Variants in ASXL3 observed in about 807,000 individuals in gnomAD.
ASXL3 encodes ASXL transcriptional regulator 3.
Under a neutral mutation model 170.6 loss-of-function variants are expected in ASXL3, and 34 were observed. The ratio of observed to expected loss-of-function variants is 0.20; its 90% CI spans 0.15 to 0.27. The LOEUF (loss-of-function observed/expected upper bound fraction) is 0.27, where lower values mean the gene tolerates loss of function less well. Among genes scored for constraint, ASXL3 ranks in the 10% least tolerant of loss-of-function variants. ASXL3 has a pLI of 1.00. For missense variants in ASXL3, 2,592 were observed against 2,695.3 expected, an observed-to-expected ratio of 0.96 and a Z score of 0.85; for synonymous variants, 1,002 against 989.1, an observed-to-expected ratio of 1.01 and a Z score of -0.24.
At chr18:33,588,930 T>G (rs565057956) in intron 1 of ASXL3, among the ~76,000 whole-genome samples, 1 of 152,216 alleles carries the variant, frequency 6.6e-6, no homozygotes, top group African/African-American at 2.4e-5. Flanking sequence ...TACATTCTTA[T>G]ATTTTTTTCT....
At chr18:33,581,682 C>G (rs887539357) in intron 1 of ASXL3, among the ~76,000 whole-genome samples, 8 of 152,086 alleles carry the variant, frequency 5.3e-5, no homozygotes, top group African/African-American at 1.9e-4. Context: ...TATTTTCTTT[C>G]TTTGTGAGAA....
intron 7 of ASXL3, among the ~76,000 whole-genome samples, chr18:33,678,554 A>T (rs1330593685): frequency 6.6e-6 from 1 of 152,196 alleles, no homozygotes; most frequent in Non-Finnish European, 1.5e-5. Flanking sequence ...AATGGAACAC[A>T]TTCCCCATGA....
rs1419981534 is a variant in ASXL3, at chr18:33,748,360, T to G, written c.*1765T>G. ...ATGTTGCCAAATTTCTTTCTTTAGG[T>G]GATAGAGACATCATTTCGAATAACA... On this transcript the variant is annotated 3_prime_UTR_variant, in exon 12 of 12. Coordinates refer to ENST00000269197, the MANE Select transcript of ASXL3 (RefSeq NM_030632.3). 1 of 152,176 alleles carries G rather than the reference T, an allele frequency of 6.6e-6. No homozygotes were observed. Among genetic ancestry groups the G allele is most frequent in the Non-Finnish European group, 1.5e-5 (1 of 68,038 alleles). The allele number at this position is 152,176 out of a possible 1,614,324, so 9.4% of individuals were successfully genotyped here.
chr18:33,700,539 G>T (rs1041094448), intron 8 of ASXL3, among the ~76,000 whole-genome samples: 1 of 151,992 alleles, frequency 6.6e-6, no homozygotes, highest in African/African-American at 2.4e-5. Flanking sequence ...TAAGAAGCTT[G>T]AGCAGAAGAG....
In ASXL3 at chr18:33,739,572, C is replaced by G. The variant is rs763259452; in HGVS notation, c.2168C>G (p.Pro723Arg). The G allele has an allele frequency of 3.7e-6, 6 of 1,614,002 alleles. No individual in the cohort carries two copies. The East Asian group carries it at 1.1e-4, about 30-fold the overall frequency. Residue 723 changes from proline to arginine, a missense_variant, in exon 11 of 12, where the codon CCT becomes CGT. Physicochemically the swap from Pro to Arg is moderately radical, Grantham distance 103 (BLOSUM62 -2). This residue lies in a region of ASXL3 where 2,246 missense variants were observed against 2,219.6 expected (regional missense o/e 1.01). Coordinates refer to ENST00000269197, the MANE Select transcript of ASXL3 (RefSeq NM_030632.3). ...TSETSPMSDLPLTSETSSVSS... is the reference protein window; with the variant it reads ...TSETSPMSDLRLTSETSSVSS... ...GAAACCTCACCGATGTCTGACTTAC[C>G]TTTAACATCAGAAACTTCTTCAGTG...
chr18:33,735,011 AAC>A (rs1336554884), intron 10 of ASXL3, among the ~76,000 whole-genome samples: 1 of 152,144 alleles, frequency 6.6e-6, no homozygotes, highest in Non-Finnish European at 1.5e-5. Context: ...CCTCAGGTTT[AAC>A]AGAGACACAT....
intron 8 of ASXL3, among the ~76,000 whole-genome samples, chr18:33,707,555 C>T (rs894711187): frequency 5.3e-5 from 8 of 151,796 alleles, no homozygotes; most frequent in Non-Finnish European, 1.0e-4. Flanking sequence ...TGCTAATTCA[C>T]GTATTAATTT....
Position 33,645,022 on chromosome 18 carries a change from A to T in ASXL3, c.246+20A>T, listed in dbSNP as rs1276718448. 5 of 1,447,928 alleles carry T rather than the reference A, an allele frequency of 3.5e-6. No individual in the cohort carries two copies. Among genetic ancestry groups the T allele is most frequent in the Non-Finnish European group, 4.7e-6 (5 of 1,061,362 alleles). The allele number at this position is 1,447,928 out of a possible 1,614,324, so 89.7% of individuals were successfully genotyped here. On this transcript the variant is annotated intron_variant, in intron 3 of 11. Coordinates refer to ENST00000269197, the MANE Select transcript of ASXL3 (RefSeq NM_030632.3). ...CTCAAAGTAAGTTGCATTGTTCTGC[A>T]TATTGTTATTACTATTATCATGCAT... is the stretch of plus-strand genomic sequence containing the variant.
intron 2 of ASXL3, among the ~76,000 whole-genome samples, chr18:33,630,796 C>G (rs1244338468): frequency 6.6e-6 from 1 of 151,884 alleles, no homozygotes; most frequent in African/African-American, 2.4e-5. Context: ...CTTTCTGAAC[C>G]ATAGAAAACA....
intron 2 of ASXL3, among the ~76,000 whole-genome samples, chr18:33,615,850 T>G (rs1343895160): frequency 6.6e-6 from 1 of 152,164 alleles, no homozygotes; most frequent in Non-Finnish European, 1.5e-5. Context: ...CATTACACCT[T>G]ACATTTAGAT....
chr18:33,662,947 T>G (rs1981360), intron 5 of ASXL3, among the ~76,000 whole-genome samples: 6 of 151,950 alleles, frequency 3.9e-5, no homozygotes, highest in Non-Finnish European at 5.9e-5. Context: ...GGAAAGAAAC[T>G]TAACATGGTT....
chr18:33,602,918 TCGTTTAC>T (rs2065200017), intron 1 of ASXL3, among the ~76,000 whole-genome samples: 1 of 151,280 alleles, frequency 6.6e-6, no homozygotes, highest in African/African-American at 2.4e-5. Flanking sequence ...AACCCCAAAA[TCGTTTAC>T]CTTGGACATG....
At chr18:33,655,579 C>T (rs2066070831) in intron 4 of ASXL3, among the ~76,000 whole-genome samples, 1 of 151,996 alleles carries the variant, frequency 6.6e-6, no homozygotes, top group Non-Finnish European at 1.5e-5. Context: ...CTATACCTAT[C>T]TTGAAACAGA....
chr18:33,746,074 T>C lies in ASXL3; in HGVS notation c.6226T>C (p.Cys2076Arg). ...RLSWPQSTGI[C>R]SNIKSEPLSF... The stretch of plus-strand genomic sequence containing the variant: ...TAGTTGGCCACAGTCCACGGGCATA[T>C]GTAGCAATATAAAATCGGAACCTCT... Residue 2076 changes from cysteine (C) to arginine (R), a missense_variant, in exon 12 of 12, where the codon TGT becomes CGT. Transcript: ENST00000269197. 1 of 1,613,366 alleles carries C rather than the reference T, an allele frequency of 6.2e-7. No homozygotes were observed. The highest frequency in any genetic ancestry group is 8.5e-7 in the Non-Finnish European group (1 of 1,179,860).
chr18:33,664,432 C>G (rs1355231275), intron 5 of ASXL3, among the ~76,000 whole-genome samples: 2 of 152,118 alleles, frequency 1.3e-5, no homozygotes, highest in African/African-American at 4.8e-5. Context: ...TGAACACAGG[C>G]TGCTTATGTT....
intron 2 of ASXL3, among the ~76,000 whole-genome samples, chr18:33,641,361 A>T (rs1458540110): frequency 6.6e-6 from 1 of 151,998 alleles, no homozygotes; most frequent in African/African-American, 2.4e-5. Context: ...GGGAAATGAA[A>T]ACAAACCAGA....
At chr18:33,607,483 G>A in intron 1 of ASXL3, 111 bp from the exon 2 acceptor site, 1 of 883,298 alleles carries the variant, frequency 1.1e-6, no homozygotes, top group Non-Finnish European at 1.8e-6. Flanking sequence ...TGCTTTTGAT[G>A]TAAAAGCCCC....
At chr18:33,734,002 C>T (rs2067499085) in intron 9 of ASXL3, among the ~76,000 whole-genome samples, 1 of 140,412 alleles carries the variant, frequency 7.1e-6, no homozygotes, top group South Asian at 2.1e-4. Flanking sequence ...TGAATATACG[C>T]TCTTTTATTT....
intron 8 of ASXL3, among the ~76,000 whole-genome samples, chr18:33,728,716 A>T (rs1047869732): frequency 3.9e-5 from 6 of 152,152 alleles, no homozygotes; most frequent in Non-Finnish European, 2.9e-5. Context: ...TCACCCAGTC[A>T]TAAATATATC....
Sources: allele counts gnomAD v4.1 joint callset (sites outside exome capture counted in the v4.1 genomes callset), GRCh38; gene constraint gnomAD v4.1.1; regional missense constraint gnomAD v4.1.1; transcripts MANE v1.5; gene names NCBI Gene and HGNC (gene_info 2026-07-23, HGNC 2026-07-21).